The following KLF8 variants were observed in gnomAD, a reference collection of about 807,000 sequenced individuals.
The protein encoded by KLF8 is Krueppel-like factor 8.
In KLF8, 10 loss-of-function variants were observed where a neutral mutation model predicts 18.2. That is an observed-to-expected ratio of 0.55 (90% CI 0.34 to 0.93). The LOEUF (loss-of-function observed/expected upper bound fraction) is 0.93. Ranked by LOEUF, KLF8 falls within the 40% of genes least tolerant of loss-of-function variation. The pLI, the probability that KLF8 is intolerant of heterozygous loss-of-function variation, is 0.02. For missense variants in KLF8, 264 were observed against 277.9 expected, an observed-to-expected ratio of 0.95 and a Z score of 0.36; for synonymous variants, 109 against 97.3, an observed-to-expected ratio of 1.12 and a Z score of -0.71.
chrX:56,213,366 G>T, the KLF8 span, among the ~76,000 whole-genome samples: 3 of 72,560 alleles, frequency 4.1e-5, no homozygotes, highest in African/African-American at 1.7e-4. Flanking sequence ...TTGTTGCCCA[G>T]GTTGGAGTGC....
the KLF8 span, among the ~76,000 whole-genome samples, chrX:55,929,338 G>A: frequency 8.9e-6 from 1 of 112,165 alleles, no homozygotes; most frequent in African/African-American, 3.2e-5. Flanking sequence ...TCTGATGATA[G>A]TTTCTTTTGC....
At chrX:56,144,159 A>G in the KLF8 span, among the ~76,000 whole-genome samples, 1 of 111,991 alleles carries the variant, frequency 8.9e-6, no homozygotes. Flanking sequence ...ACTTCTTACC[A>G]TATACAAATA....
chrX:56,083,856 C>G, the KLF8 span, among the ~76,000 whole-genome samples: 1 of 111,772 alleles, frequency 8.9e-6, no homozygotes, highest in Admixed American at 9.5e-5. Context: ...GCCTGATAAT[C>G]TGAGGTGGAA....
At chrX:56,113,793 A>T in the KLF8 span, among the ~76,000 whole-genome samples, 4 of 110,054 alleles carry the variant, frequency 3.6e-5, no homozygotes, top group East Asian at 8.6e-4. Flanking sequence ...CTTCATCCAG[A>T]GCTGTATGAG....
the KLF8 span, among the ~76,000 whole-genome samples, chrX:55,933,571 G>A: frequency 1.8e-5 from 2 of 111,953 alleles, no homozygotes; most frequent in East Asian, 2.8e-4. Context: ...AAAATATTTC[G>A]ATTTTGAGGC....
At chrX:56,083,652 G>C in the KLF8 span, among the ~76,000 whole-genome samples, 1 of 111,915 alleles carries the variant, frequency 8.9e-6, no homozygotes, top group Non-Finnish European at 1.9e-5. Flanking sequence ...CCACAGATTA[G>C]TACCAGTCAG....
the KLF8 span, among the ~76,000 whole-genome samples, chrX:56,082,374 G>T: frequency 3.6e-5 from 4 of 109,670 alleles, no homozygotes; most frequent in African/African-American, 1.3e-4. Context: ...CTAAAGGTTT[G>T]TCAATTTTGT....
At chrX:56,154,499 C>A in the KLF8 span, among the ~76,000 whole-genome samples, 4 of 111,808 alleles carry the variant, frequency 3.6e-5, no homozygotes, top group East Asian at 2.8e-4. Flanking sequence ...ACCATAAAAA[C>A]CCTTGAAGAA....
At chrX:56,044,270 C>T in the KLF8 span, among the ~76,000 whole-genome samples, 5 of 111,788 alleles carry the variant, frequency 4.5e-5, no homozygotes, top group East Asian at 2.8e-4. Flanking sequence ...ACCTCTCATG[C>T]AGTAAGGAGG....
At chrX:56,123,305 G>GA in the KLF8 span, among the ~76,000 whole-genome samples, 15 of 101,239 alleles carry the variant, frequency 1.5e-4, no homozygotes, top group African/African-American at 4.9e-4. Flanking sequence ...GAAAGAGAAA[G>GA]AAAGAAAGAA....
At chrX:55,960,774 A>G in the KLF8 span, among the ~76,000 whole-genome samples, 14 of 112,309 alleles carry the variant, frequency 1.2e-4, no homozygotes, top group East Asian at 3.7e-3. Flanking sequence ...TAGAGGAACT[A>G]TGCAATCAAG....
At chrX:56,088,517 G>T in the KLF8 span, among the ~76,000 whole-genome samples, 1 of 111,489 alleles carries the variant, frequency 9.0e-6, no homozygotes, top group Non-Finnish European at 1.9e-5. Context: ...AAAATCTTCT[G>T]AGCTCATAAG....
the KLF8 span, among the ~76,000 whole-genome samples, chrX:55,999,284 G>A: frequency 5.7e-5 from 1 of 17,507 alleles, no homozygotes; most frequent in African/African-American, 2.8e-4. Flanking sequence ...GATGCCTCCA[G>A]ATTTTTTTTT....
chrX:56,124,842 CAAG>C, the KLF8 span, among the ~76,000 whole-genome samples: 5 of 111,900 alleles, frequency 4.5e-5, no homozygotes, highest in Non-Finnish European at 7.5e-5. Context: ...TCCTGAGTCA[CAAG>C]AAGAACTCTC....
At chrX:56,201,018 A>T in the KLF8 span, among the ~76,000 whole-genome samples, 1 of 111,931 alleles carries the variant, frequency 8.9e-6, no homozygotes, top group Admixed American at 9.5e-5. Context: ...ATGAGAGTGT[A>T]AATTGTTACA....
At chrX:56,077,618 G>A in the KLF8 span, among the ~76,000 whole-genome samples, 7 of 111,760 alleles carry the variant, frequency 6.3e-5, no homozygotes, top group South Asian at 3.8e-4. Flanking sequence ...TTGACTTGCC[G>A]ATGCAGGCTC....
the KLF8 span, among the ~76,000 whole-genome samples, chrX:55,929,855 A>T: frequency 1.3e-4 from 14 of 105,563 alleles, no homozygotes; most frequent in African/African-American, 4.9e-4. Context: ...GATTGTCTTG[A>T]CTATACGGGC....
At chrX:55,970,354 A>G in the KLF8 span, among the ~76,000 whole-genome samples, 1 of 111,577 alleles carries the variant, frequency 9.0e-6, no homozygotes, top group Non-Finnish European at 1.9e-5. Flanking sequence ...TGCTGAAAAA[A>G]AAATTTGATA....
chrX:56,221,375 T>G, the KLF8 span, among the ~76,000 whole-genome samples: 5 of 111,722 alleles, frequency 4.5e-5, no homozygotes, highest in African/African-American at 1.6e-4. Flanking sequence ...CAAAACTTGT[T>G]TATAATAGTT....
Sources: allele counts gnomAD v4.1 joint callset (sites outside exome capture counted in the v4.1 genomes callset), GRCh38; gene constraint gnomAD v4.1.1; transcripts MANE v1.5; gene names NCBI Gene and HGNC (gene_info 2026-07-23, HGNC 2026-07-21).